The following RP1 variants were observed in gnomAD, a reference collection of about 807,000 sequenced individuals.
RP1 encodes oxygen-regulated protein 1.
Under a neutral mutation model 14.8 loss-of-function variants are expected in RP1, and 16 were observed. The ratio of observed to expected loss-of-function variants is 1.08; its 90% CI spans 0.73 to 1.65. The LOEUF (loss-of-function observed/expected upper bound fraction) is 1.65. Ranked by LOEUF, RP1 falls within the 40% of genes most tolerant of loss-of-function variation. The pLI is 0.00. For synonymous variants in RP1, 876 were observed against 883.6 expected (o/e 0.99, Z 0.15); for missense variants, 2,631 against 2,535.0 (o/e 1.04, Z -0.81).
At chr8:54,725,417 T>C (rs1027635788) in intron 16 of RP1, among the ~76,000 whole-genome samples, 1 of 152,192 alleles carries the variant, frequency 6.6e-6, no homozygotes, top group East Asian at 1.9e-4. Flanking sequence ...TCTGAAATGA[T>C]ATCTTATAAC....
chr8:54,603,119 A>G (rs1444437995), intron 1 of RP1, among the ~76,000 whole-genome samples: 1 of 152,134 alleles, frequency 6.6e-6, no homozygotes, highest in East Asian at 1.9e-4. Context: ...GCCCATGCCT[A>G]TGTCCTGAAT....
upstream of RP1, among the ~76,000 whole-genome samples, chr8:54,615,131 T>C (rs1805685035): frequency 6.6e-6 from 1 of 152,126 alleles, no homozygotes; most frequent in Non-Finnish European, 1.5e-5. Context: ...GTATCAAAGC[T>C]GGACACTACT....
intron 22 of RP1, among the ~76,000 whole-genome samples, chr8:54,766,355 T>G (rs1416622022): frequency 6.6e-6 from 1 of 152,230 alleles, no homozygotes; most frequent in East Asian, 1.9e-4. Context: ...TCATTTAACT[T>G]TACTGATTTT....
chr8:54,780,671 T>G (rs1810165600), intron 23 of RP1, among the ~76,000 whole-genome samples: 1 of 152,192 alleles, frequency 6.6e-6, no homozygotes, highest in Admixed American at 6.5e-5. Context: ...TTATATAGTA[T>G]TAGGTATTAG....
At chr8:54,747,043 T>C (rs1287455841) in intron 19 of RP1, among the ~76,000 whole-genome samples, 1 of 152,210 alleles carries the variant, frequency 6.6e-6, no homozygotes, top group African/African-American at 2.4e-5. Context: ...TCCTGCTGAC[T>C]CTATTGCTGA....
intron 12 of RP1, chr8:54,696,292 C>A (rs1353560597): frequency 2.4e-6 from 1 of 416,456 alleles, no homozygotes; most frequent in Non-Finnish European, 4.2e-6. Flanking sequence ...TATATATTGA[C>A]TAAACTCAAA....
chr8:54,667,514 T>C (rs1807046380), intron 7 of RP1, among the ~76,000 whole-genome samples: 1 of 152,140 alleles, frequency 6.6e-6, no homozygotes, highest in Admixed American at 6.6e-5. Flanking sequence ...GGGCTCCAGA[T>C]GAAAAACAAA....
intron 7 of RP1, chr8:54,663,853 A>G (rs1806952222): frequency 6.6e-7 from 1 of 1,520,056 alleles, no homozygotes; most frequent in African/African-American, 1.4e-5. Flanking sequence ...GAGGACAAGT[A>G]AGCAAAATGC....
At chr8:54,830,741 C>T (rs1747658783) in intron 24 of RP1, among the ~76,000 whole-genome samples, 1 of 152,090 alleles carries the variant, frequency 6.6e-6, no homozygotes, top group African/African-American at 2.4e-5. Context: ...TTGAAACGTA[C>T]CATTCAGTGG....
chr8:54,676,085 C>G (rs1807289559), intron 8 of RP1, among the ~76,000 whole-genome samples: 1 of 152,076 alleles, frequency 6.6e-6, no homozygotes, highest in Non-Finnish European at 1.5e-5. Context: ...TTAATCACAT[C>G]CTAAACGCTC....
intron 23 of RP1, among the ~76,000 whole-genome samples, chr8:54,777,049 G>C (rs916009527): frequency 6.6e-6 from 1 of 152,168 alleles, no homozygotes; most frequent in South Asian, 2.1e-4. Flanking sequence ...TGCATGGCTT[G>C]GGAAATCACT....
exon 9 of RP1, chr8:54,678,517 T>G (rs116932954): frequency 1.3e-6 from 2 of 1,534,078 alleles, no homozygotes; most frequent in East Asian, 2.5e-5. Context: ...AAATTACGAA[T>G]ATGCCTTCTT....
intron 6 of RP1, among the ~76,000 whole-genome samples, chr8:54,658,615 A>G (rs1219652880): frequency 1.3e-5 from 2 of 150,694 alleles, no homozygotes; most frequent in East Asian, 3.9e-4. Context: ...CAATTTATTT[A>G]TCCATTCATC....
chr8:54,705,905 T>A (rs1205773575), intron 14 of RP1, among the ~76,000 whole-genome samples: 1 of 152,076 alleles, frequency 6.6e-6, no homozygotes, highest in East Asian at 1.9e-4. Context: ...GATTTGTGTA[T>A]TTATCTATTA....
At chr8:54,825,451 T>A (rs61397308) in intron 24 of RP1, among the ~76,000 whole-genome samples, 1 of 151,914 alleles carries the variant, frequency 6.6e-6, no homozygotes, top group African/African-American at 2.4e-5. Flanking sequence ...ATCCATCAAA[T>A]AAAAAAGTGA....
intron 1 of RP1, among the ~76,000 whole-genome samples, chr8:54,620,383 T>G (rs982268285): frequency 6.6e-6 from 1 of 152,252 alleles, no homozygotes; most frequent in Admixed American, 6.5e-5. Flanking sequence ...CTGTACAGAT[T>G]TATAGCCTAG....
At chr8:54,758,581 G>A (rs1809564426) in intron 21 of RP1, among the ~76,000 whole-genome samples, 1 of 152,132 alleles carries the variant, frequency 6.6e-6, no homozygotes, top group Admixed American at 6.5e-5. Flanking sequence ...CTGCGTGGTT[G>A]TCAACCTGAT....
At position 54,630,316 on chromosome 8, in the gene RP1, C is replaced by T. The variant is rs777856773; in HGVS notation, c.6434C>T (p.Thr2145Ile). The change falls in exon 4 of 4, where the codon ACT (threonine) becomes ATT (isoleucine). Residue 2145 changes from threonine (T) to isoleucine (I), a missense_variant. Coordinates refer to ENST00000220676, the MANE Select transcript of RP1 (RefSeq NM_006269.2). ...GAAGAGGAAGACATATTAAATTTAA[C>T]TGATCTTGAAAGCAGTAGAGAACAA... is the stretch of plus-strand genomic sequence containing the variant. ...IWEEEDILNL[T>I]DLESSREQED... 6.2e-7 allele frequency: 1 copy of T among 1,613,702 alleles called. No individual in the cohort carries two copies. The highest frequency in any genetic ancestry group is 1.7e-5 in the Admixed American group (1 of 60,002).
At chr8:54,851,785 T>G (rs1210337687) in intron 25 of RP1, among the ~76,000 whole-genome samples, 1 of 152,258 alleles carries the variant, frequency 6.6e-6, no homozygotes, top group Non-Finnish European at 1.5e-5. Flanking sequence ...TGTTTCTCAC[T>G]TACCTTGTTT....
Sources: allele counts gnomAD v4.1 joint callset (sites outside exome capture counted in the v4.1 genomes callset), GRCh38; gene constraint gnomAD v4.1.1; transcripts MANE v1.5; gene names NCBI Gene and HGNC (gene_info 2026-07-23, HGNC 2026-07-21).